ZZZ3: variants seen among roughly 807,000 people sequenced by gnomAD.
The protein encoded by ZZZ3 is ZZ-type zinc finger-containing protein 3.
A neutral mutation model predicts 95.2 loss-of-function variants in ZZZ3; 22 were observed. The ratio of observed to expected loss-of-function variants is 0.23; its 90% CI spans 0.17 to 0.33. ZZZ3 has a LOEUF of 0.33. Ranked by LOEUF, ZZZ3 falls within the 10% of genes least tolerant of loss-of-function variation. The pLI, the probability that ZZZ3 is intolerant of heterozygous loss-of-function variation, is 1.00. For missense variants in ZZZ3, 885 were observed against 1,066.5 expected (o/e 0.83, Z 2.37); for synonymous variants, 335 against 358.9 (o/e 0.93, Z 0.75).
At chr1:77,624,677 C>T (rs1381778195) in intron 5 of ZZZ3, among the ~76,000 whole-genome samples, 2 of 152,000 alleles carry the variant, frequency 1.3e-5, no homozygotes, top group African/African-American at 2.4e-5. Flanking sequence ...ATTAATCAGC[C>T]GTAATAAGTA....
intron 12 of ZZZ3, among the ~76,000 whole-genome samples, chr1:77,573,852 A>C (rs1261891027): frequency 6.6e-6 from 1 of 152,026 alleles, no homozygotes. Context: ...ATTAAGGAAG[A>C]TATAGGGTGA....
intron 5 of ZZZ3, among the ~76,000 whole-genome samples, chr1:77,596,875 T>C (rs1289471223): frequency 6.6e-6 from 1 of 151,650 alleles, no homozygotes; most frequent in Non-Finnish European, 1.5e-5. Flanking sequence ...GAGTTGGGAG[T>C]CATTACATGA....
intron 1 of ZZZ3, among the ~76,000 whole-genome samples, chr1:77,657,701 TGGG>T (rs759585276): frequency 6.6e-6 from 1 of 152,150 alleles, no homozygotes; most frequent in South Asian, 2.1e-4. Context: ...TCAGTATACG[TGGG>T]GGGGATTGGT....
intron 1 of ZZZ3, among the ~76,000 whole-genome samples, chr1:77,654,296 A>G (rs1456116668): frequency 6.6e-6 from 1 of 152,046 alleles, no homozygotes; most frequent in African/African-American, 2.4e-5. Flanking sequence ...CTTGATATAC[A>G]TTTAAGGAAA....
rs1420915397 is a variant in ZZZ3, at chr1:77,581,963, T to C, written c.1792+16A>G. ...AGATATTTTTCTACTTAAATTCTTA[T>C]CATATGATTTCTTACCTTTATCAAA... On this transcript the variant is annotated intron_variant, in intron 7 of 14. Coordinates refer to ENST00000370801, the MANE Select transcript of ZZZ3 (RefSeq NM_015534.6). 2 of 1,599,572 alleles carry C rather than the reference T, an allele frequency of 1.3e-6. No homozygotes were observed. The highest frequency in any genetic ancestry group is 1.7e-5 in the Admixed American group (1 of 59,314).
chr1:77,610,845 A>G (rs370222150), intron 5 of ZZZ3, among the ~76,000 whole-genome samples: 1 of 151,928 alleles, frequency 6.6e-6, no homozygotes, highest in South Asian at 2.1e-4. Context: ...GGCCATATAC[A>G]ACAAGCCCAC....
At chr1:77,679,159 T>C (rs1037184358) in intron 1 of ZZZ3, among the ~76,000 whole-genome samples, 1 of 152,188 alleles carries the variant, frequency 6.6e-6, no homozygotes, top group African/African-American at 2.4e-5. Flanking sequence ...AGTACAATTA[T>C]AGTGGTTATC....
At chr1:77,671,713 A>G (rs1031070434) in intron 1 of ZZZ3, among the ~76,000 whole-genome samples, 3 of 152,150 alleles carry the variant, frequency 2.0e-5, no homozygotes, top group Admixed American at 2.0e-4. Flanking sequence ...TATCCAATAA[A>G]TTTTAGTTAT....
chr1:77,679,653 G>C (rs779755622), intron 1 of ZZZ3, among the ~76,000 whole-genome samples: 4 of 152,116 alleles, frequency 2.6e-5, no homozygotes, highest in Non-Finnish European at 4.4e-5. Context: ...AAAAACTCAA[G>C]TGAGAATAAA....
chr1:77,563,842 ATATAT>A lies in ZZZ3; in HGVS notation c.*1793_*1797del, dbSNP rs1303497725. ...GTCCATTTACTTTCCTTCTGTTATG[ATATAT>A]TATATCTATATCATCAGTGATCTTT... On this transcript the variant is annotated 3_prime_UTR_variant, in exon 15 of 15. Transcript: ENST00000370801. The A allele has an allele frequency of 1.3e-5, 2 of 152,116 alleles. No homozygotes were observed. Among genetic ancestry groups the A allele is most frequent in the Non-Finnish European group, 2.9e-5 (2 of 68,020 alleles). 9.4% of individuals were successfully genotyped at this position (152,116 alleles called of 1,614,324 possible).
chr1:77,658,678 G>T (rs1217216870), intron 1 of ZZZ3, among the ~76,000 whole-genome samples: 1 of 151,976 alleles, frequency 6.6e-6, no homozygotes, highest in Admixed American at 6.6e-5. Flanking sequence ...ATTGTTAATG[G>T]CCATATAAAA....
chr1:77,662,004 T>TTTTCTGTACCATTGTTTTTG (rs1553181587), intron 1 of ZZZ3, among the ~76,000 whole-genome samples: 7 of 151,088 alleles, frequency 4.6e-5, no homozygotes, highest in Non-Finnish European at 7.4e-5. Context: ...TTTACTTGGT[T>TTTTCTGTACCATTGTTTTTG]TTTCTGTACC....
At chr1:77,672,540 T>C (rs1671878528) in intron 1 of ZZZ3, among the ~76,000 whole-genome samples, 1 of 152,226 alleles carries the variant, frequency 6.6e-6, no homozygotes, top group African/African-American at 2.4e-5. Context: ...GTAGTGCTAC[T>C]CAAAGTGTGG....
intron 1 of ZZZ3, among the ~76,000 whole-genome samples, chr1:77,658,076 G>T (rs766782123): frequency 1.9e-4 from 29 of 151,860 alleles, no homozygotes; most frequent in Non-Finnish European, 1.2e-4. Flanking sequence ...CTACTAGGGA[G>T]GCTGAGGCAG....
In ZZZ3 at chr1:77,564,645, A is replaced by G. The variant is rs181816197; in HGVS notation, c.*995T>C. 16 of 152,790 alleles carry G rather than the reference A, an allele frequency of 1.0e-4. No individual in the cohort carries two copies. Among genetic ancestry groups the G allele is most frequent in the African/African-American group, 1.7e-4 (7 of 41,598 alleles). 9.5% of individuals were successfully genotyped at this position (152,790 alleles called of 1,614,324 possible). On this transcript the variant is annotated 3_prime_UTR_variant, in exon 15 of 15. Transcript: ENST00000370801. ...ATGATGCACAACAAAATCCAGCAGT[A>G]TAAAAGAATGCATGTGAACCCTTGC...
intron 6 of ZZZ3, among the ~76,000 whole-genome samples, chr1:77,584,214 G>A (rs879566765): frequency 2.6e-5 from 4 of 151,822 alleles, no homozygotes; most frequent in Non-Finnish European, 5.9e-5. Flanking sequence ...AACAGAGGAG[G>A]AAAAATACTC....
intron 5 of ZZZ3, among the ~76,000 whole-genome samples, chr1:77,593,132 G>A (rs1485220937): frequency 6.6e-6 from 1 of 152,104 alleles, no homozygotes; most frequent in African/African-American, 2.4e-5. Flanking sequence ...GATCCTGAAA[G>A]GCTATACCTT....
rs1191183730 is a variant in ZZZ3 at position 77,649,369 on chromosome 1, A to T, written c.-402-7714T>A. Among the ~76,000 whole-genome samples, 2 of 152,156 alleles carry T rather than the reference A, an allele frequency of 1.3e-5. 1 individual carries two copies. The highest frequency in any genetic ancestry group is 4.1e-4 in the South Asian group (2 of 4,824). The stretch of plus-strand genomic sequence containing the variant: ...TTTGACGTACTGAAAAAAGTTGTCA[A>T]CCAAAAATTCTATACTCAATAAAAT... On this transcript the variant is annotated intron_variant, in intron 1 of 14. Coordinates refer to ENST00000370801, the MANE Select transcript of ZZZ3 (RefSeq NM_015534.6).
chr1:77,589,661 T>C (rs377244992), intron 5 of ZZZ3, among the ~76,000 whole-genome samples: 17 of 152,014 alleles, frequency 1.1e-4, no homozygotes, highest in African/African-American at 3.9e-4. Context: ...GGTCTCGCTT[T>C]GTTGCCCAGG....
Sources: allele counts gnomAD v4.1 joint callset (sites outside exome capture counted in the v4.1 genomes callset), GRCh38; gene constraint gnomAD v4.1.1; transcripts MANE v1.5; gene names NCBI Gene and HGNC (gene_info 2026-07-23, HGNC 2026-07-21).